LARS2: variants seen among roughly 807,000 people sequenced by gnomAD.
LARS2 encodes the protein leucyl-tRNA synthetase 2, mitochondrial.
In LARS2, 81 loss-of-function variants were observed where a neutral mutation model predicts 116.6. That is an observed-to-expected ratio of 0.69 (90% CI 0.58 to 0.84). LARS2 has a LOEUF of 0.84. Ranked by LOEUF, LARS2 falls within the 40% of genes least tolerant of loss-of-function variation. LARS2 has a pLI of 0.00. For synonymous variants in LARS2, 396 were observed against 407.2 expected, an observed-to-expected ratio of 0.97 and a Z score of 0.33; for missense variants, 968 against 1,114.5, an observed-to-expected ratio of 0.87 and a Z score of 1.87.
chr3:45,465,688 C>T lies in LARS2; in HGVS notation c.750+6802C>T, dbSNP rs143975659. Among the ~76,000 whole-genome samples, 14 of 152,330 alleles carry T rather than the reference C, an allele frequency of 9.2e-5. No homozygotes were observed. The East Asian group carries it at 2.5e-3, about 27-fold the overall frequency. On this transcript the variant is annotated intron_variant, in intron 8 of 21. Transcript: ENST00000645846. ...AGGGGTTGGTACAGGGCTGGGCCTT[C>T]GCTCTGGGATTCAGAAACCAGTGGT...
intron 8 of LARS2, among the ~76,000 whole-genome samples, chr3:45,468,140 A>C (rs371032727): frequency 1.9e-4 from 29 of 152,246 alleles, no homozygotes; most frequent in African/African-American, 5.3e-4. Flanking sequence ...TCATAAAATA[A>C]AACAGCATGA....
At chr3:45,484,630 A>AAAAAAAAAAAAAAAATAT (rs1553634443) in intron 10 of LARS2, among the ~76,000 whole-genome samples, 1 of 9,746 alleles carries the variant, frequency 1.0e-4, no homozygotes, top group African/African-American at 1.8e-4. Context: ...AAAAAAAAAA[A>AAAAAAAAAAAAAAAATAT]ATATATATAT....
chr3:45,458,636 G>A (rs541584550), intron 7 of LARS2, 107 bp from the exon 8 acceptor site: 4 of 1,112,626 alleles, frequency 3.6e-6, no homozygotes, highest in East Asian at 2.4e-5. Flanking sequence ...GCAGTGAGTC[G>A]AGATCACGCC....
chr3:45,477,628 A>C (rs1445245522), intron 10 of LARS2, among the ~76,000 whole-genome samples: 1 of 152,210 alleles, frequency 6.6e-6, no homozygotes, highest in East Asian at 1.9e-4. Context: ...GGTAGACAAA[A>C]AGAAATCCAT....
At chr3:45,487,778 G>A (rs200450368) in intron 11 of LARS2, among the ~76,000 whole-genome samples, 2 of 150,918 alleles carry the variant, frequency 1.3e-5, no homozygotes, top group African/African-American at 2.4e-5. Flanking sequence ...GGGGGGAAAA[G>A]AAAAAAAAAC....
chr3:45,491,155 G>A (rs954341975), intron 12 of LARS2, among the ~76,000 whole-genome samples: 2 of 152,112 alleles, frequency 1.3e-5, no homozygotes, highest in Non-Finnish European at 2.9e-5. Flanking sequence ...ACAGAACCAG[G>A]GCCAACTTAG....
At chr3:45,449,051 G>A (rs749277656) in intron 7 of LARS2, among the ~76,000 whole-genome samples, 2 of 152,138 alleles carry the variant, frequency 1.3e-5, no homozygotes, top group Non-Finnish European at 2.9e-5. Context: ...TCAAGGTGCC[G>A]GCCTCTGGCA....
intron 16 of LARS2, 120 bp downstream of exon 16, chr3:45,513,355 C>A: frequency 1.4e-6 from 1 of 715,724 alleles, no homozygotes; most frequent in Admixed American, 2.2e-5. Flanking sequence ...GAGAGACCCG[C>A]TGGCTGTGAG....
chr3:45,505,199 C>G (rs1352917364), intron 15 of LARS2, among the ~76,000 whole-genome samples: 2 of 151,926 alleles, frequency 1.3e-5, no homozygotes, highest in Non-Finnish European at 2.9e-5. Context: ...GTTGTGCACA[C>G]CTATGTTCTT....
At chr3:45,453,935 C>T (rs1699175926) in intron 7 of LARS2, among the ~76,000 whole-genome samples, 1 of 150,780 alleles carries the variant, frequency 6.6e-6, no homozygotes, top group Non-Finnish European at 1.5e-5. Context: ...TAGCCAAGGG[C>T]CAGAGGAGTG....
rs1699590908 is a variant in LARS2 at position 45,475,193 on chromosome 3, A to C, written c.858+843A>C. On this transcript the variant is annotated intron_variant, in intron 9 of 21. Coordinates refer to ENST00000645846, the MANE Select transcript of LARS2 (RefSeq NM_015340.4). ...TTAGGAGGAGGAAGCAGCAGCTGAG[A>C]CAAAGTTGGCCTTCCTTTCTAGACT... Among the ~76,000 whole-genome samples the C allele has an allele frequency of 3.9e-5, 6 of 152,302 alleles. 1 individual carries two copies. The South Asian group carries it at 1.2e-3, about 32-fold the overall frequency.
chr3:45,444,606 G>A (rs1411489472), intron 6 of LARS2, among the ~76,000 whole-genome samples: 1 of 134,706 alleles, frequency 7.4e-6, no homozygotes, highest in Non-Finnish European at 1.6e-5. Flanking sequence ...GGAGCTTGCA[G>A]TGAGCCGAGA....
chr3:45,527,707 C>T (rs1700552491), intron 20 of LARS2, among the ~76,000 whole-genome samples: 1 of 152,136 alleles, frequency 6.6e-6, no homozygotes, highest in Admixed American at 6.5e-5. Flanking sequence ...ATAGCAGTCC[C>T]TCATATCTGC....
At chr3:45,534,452 G>A (rs1700669210) in intron 20 of LARS2, among the ~76,000 whole-genome samples, 1 of 152,160 alleles carries the variant, frequency 6.6e-6, no homozygotes, top group African/African-American at 2.4e-5. Flanking sequence ...AAGGATCTGG[G>A]ACAGCTTTTA....
intron 1 of LARS2, among the ~76,000 whole-genome samples, chr3:45,390,040 A>C (rs1697912660): frequency 6.6e-6 from 1 of 152,172 alleles, no homozygotes; most frequent in South Asian, 2.1e-4. Flanking sequence ...AAAGGATATG[A>C]ACTATTCTTA....
intron 4 of LARS2, among the ~76,000 whole-genome samples, chr3:45,410,308 CTTTTT>C (rs35327145): frequency 7.4e-6 from 1 of 135,734 alleles, no homozygotes; most frequent in Non-Finnish European, 1.6e-5. Context: ...GCATTGGATT[CTTTTT>C]TTTTTTTTTT....
chr3:45,529,406 G>A (rs1200002886), intron 20 of LARS2, among the ~76,000 whole-genome samples: 2 of 151,896 alleles, frequency 1.3e-5, no homozygotes, highest in East Asian at 3.9e-4. Context: ...AAAATTAGCC[G>A]GGCGTGGTGG....
intron 20 of LARS2, among the ~76,000 whole-genome samples, chr3:45,531,889 A>G (rs1007200605): frequency 2.6e-5 from 4 of 152,236 alleles, no homozygotes; most frequent in Non-Finnish European, 5.9e-5. Context: ...ATTGCTATTA[A>G]CTGTAGTCAC....
chr3:45,528,948 C>G (rs1207336336), intron 20 of LARS2, among the ~76,000 whole-genome samples: 4 of 151,662 alleles, frequency 2.6e-5, no homozygotes, highest in African/African-American at 9.7e-5. Context: ...CCACTCACTG[C>G]AACTTCCCCT....
Sources: gnomAD v4.1 joint callset for allele counts (sites outside exome capture counted in the v4.1 genomes callset) on GRCh38, gnomAD v4.1.1 for gene constraint, MANE v1.5 for transcripts, NCBI Gene and HGNC (gene_info 2026-07-23, HGNC 2026-07-21) for gene names.